The following GPR101 variants were observed in gnomAD, a reference collection of about 807,000 sequenced individuals.
GPR101 encodes the protein G protein-coupled receptor 101.
A neutral mutation model predicts 16.4 loss-of-function variants in GPR101; 8 were observed. The ratio of observed to expected loss-of-function variants is 0.49; its 90% confidence interval spans 0.29 to 0.88. The LOEUF (loss-of-function observed/expected upper bound fraction) is 0.88. GPR101 is among the 40% of genes least tolerant of loss of function. GPR101 has a pLI of 0.09. For synonymous variants in GPR101, 155 were observed against 168.7 expected, an observed-to-expected ratio of 0.92 and a Z score of 0.63; for missense variants, 375 against 411.7, an observed-to-expected ratio of 0.91 and a Z score of 0.77.
rs1310717607 is a variant in GPR101, at chrX:137,030,983, C to A, written c.692G>T (p.Arg231Ile). 1.2e-5 allele frequency: 15 copies of A among 1,212,141 alleles called. No individual in the cohort carries two copies. Among genetic ancestry groups the A allele is most frequent in the Non-Finnish European group, 1.7e-5 (15 of 895,490 alleles). Residue 231 changes from arginine (R) to isoleucine (I), a missense_variant, in exon 2 of 2, where the codon AGA (arginine) becomes ATA (isoleucine). Coordinates refer to ENST00000651716, the MANE Select transcript of GPR101 (RefSeq NM_054021.2). ...RQHALLYNVK[R>I]HSLEVRVKDC... ...CTTGACTCGCACTTCCAAGCTGTGTCTCTTGACATTGTACAGCAGAGCATG... is the reference window on the plus strand; with the variant it reads ...CTTGACTCGCACTTCCAAGCTGTGTATCTTGACATTGTACAGCAGAGCATG...
chrX:137,031,764 A>G lies in GPR101; in HGVS notation c.-90T>C. 1 of 744,359 alleles carries G rather than the reference A, an allele frequency of 1.3e-6. No individual in the cohort carries two copies. Among genetic ancestry groups the G allele is most frequent in the Non-Finnish European group, 1.9e-6 (1 of 525,012 alleles). 61.3% of individuals were successfully genotyped at this position (744,359 alleles called of 1,213,427 possible). On this transcript the variant is annotated splice_region_variant and 5_prime_UTR_variant, in exon 2 of 2. Transcript: ENST00000651716. The stretch of plus-strand genomic sequence containing the variant: ...GGTGCACAGACCGCACTCAGTGCCT[A>G]TGCTGGTGACAAAAGAAACACGCAG...
At position 137,025,135 on chromosome X, in the gene GPR101, G is replaced by A. The variant is rs1372632160; in HGVS notation, c.*5013C>T. Among the ~76,000 whole-genome samples, 1 of 111,968 alleles carries A rather than the reference G, an allele frequency of 8.9e-6. No individual in the cohort carries two copies. Among genetic ancestry groups the A allele is most frequent in the Non-Finnish European group, 1.9e-5 (1 of 53,251 alleles). On this transcript the variant is annotated 3_prime_UTR_variant, in exon 2 of 2. Coordinates refer to ENST00000651716, the MANE Select transcript of GPR101 (RefSeq NM_054021.2). Reference sequence around the variant, plus strand: ...ATATTAGGGATTTAAGGAATGAAAGGCAACACTTCCTGCAACCCCACCTTG... The same window carrying A: ...ATATTAGGGATTTAAGGAATGAAAGACAACACTTCCTGCAACCCCACCTTG...
rs1367350282 is a variant in GPR101, at chrX:137,030,931, C to T, written c.744G>A (p.Glu248=). Reference sequence around the variant, plus strand: ...GGAACTCCTCCTTCTTCTCTGCTCCCTCTTCATCCTCATTCTCCACACAGT... The same window carrying T: ...GGAACTCCTCCTTCTTCTCTGCTCCTTCTTCATCCTCATTCTCCACACAGT... ...VKDCVENEDE[E]GAEKKEEFQD... is the part of the protein sequence containing the mutation. Residue 248 remains glutamate (E), a synonymous_variant, in exon 2 of 2, where the codon GAG becomes GAA. Coordinates refer to ENST00000651716, the MANE Select transcript of GPR101 (RefSeq NM_054021.2). The T allele has an allele frequency of 8.3e-7, 1 of 1,212,065 alleles. No homozygotes were observed. Among genetic ancestry groups the T allele is most frequent in the Admixed American group, 2.2e-5 (1 of 46,094 alleles).
intron 1 of GPR101, among the ~76,000 whole-genome samples, chrX:137,032,255 C>T (rs190382378): frequency 5.4e-5 from 6 of 111,129 alleles, no homozygotes; most frequent in African/African-American, 2.0e-4. Context: ...CTCGATAGCA[C>T]GTGCACGCTG....
chrX:137,030,805 G>T lies in GPR101; in HGVS notation c.870C>A (p.Ser290Arg). The change falls in exon 2 of 2, where the codon AGC (serine) becomes AGA (arginine). Residue 290 changes from serine to arginine, a missense_variant. Transcript: ENST00000651716. ...KDGSLKAKEG[S>R]TGTSESSVEA... The stretch of plus-strand genomic sequence containing the variant: ...CTACACTACTCTCACTGGTCCCCGT[G>T]CTTCCTTCCTTGGCCTTCAGGCTGC... 9 of 1,211,466 alleles carry T rather than the reference G, an allele frequency of 7.4e-6. No homozygotes were observed. The highest frequency in any genetic ancestry group is 1.0e-5 in the Non-Finnish European group (9 of 895,473).
Position 137,031,117 on chromosome X carries a change from C to T in GPR101, c.558G>A (p.Trp186Ter). ...GAATAGTGTAGCTGGGGCTGGCCCC[C>T]CAGATCATGGAGCAGAGAGCATTGC... ...DERNALCSMI[W>*]GASPSYTILS... Residue 186 changes from tryptophan (W) to a stop codon, truncating the protein, a stop_gained, in exon 2 of 2, where the codon TGG becomes TGA. Transcript: ENST00000651716. LOFTEE classifies it high-confidence loss of function. 8.3e-7 allele frequency: 1 copy of T among 1,211,937 alleles called. No individual in the cohort carries two copies. The highest frequency in any genetic ancestry group is 1.8e-5 in the South Asian group (1 of 56,964).
Position 137,031,009 on chromosome X carries a change from C to A in GPR101, c.666G>T (p.Gln222His), listed in dbSNP as rs780378576. The A allele has an allele frequency of 1.7e-6, 2 of 1,210,857 alleles. No homozygotes were observed. The highest frequency in any genetic ancestry group is 2.2e-6 in the Non-Finnish European group (2 of 895,355). ...YSVVFCAARR[Q>H]HALLYNVKRH... ...TCTTGACATTGTACAGCAGAGCATGCTGCCTCCGGGCTGCACAGAACACCA... is the reference window on the plus strand; with the variant it reads ...TCTTGACATTGTACAGCAGAGCATGATGCCTCCGGGCTGCACAGAACACCA... Residue 222 changes from glutamine to histidine, a missense_variant, in exon 2 of 2, where the codon CAG becomes CAT. Transcript: ENST00000651716.
At chrX:137,033,335 T>C (rs1329134431) in intron 1 of GPR101, among the ~76,000 whole-genome samples, 1 of 106,767 alleles carries the variant, frequency 9.4e-6, no homozygotes, top group Admixed American at 1.0e-4. Context: ...CGAGAGAGAC[T>C]GAGAGGCAGA....
In GPR101 at chrX:137,030,337, C is replaced by T; in HGVS notation, c.1338G>A (p.Gln446=). 2 of 1,209,824 alleles carry T rather than the reference C, an allele frequency of 1.7e-6. No homozygotes were observed. Among genetic ancestry groups the T allele is most frequent in the Non-Finnish European group, 2.2e-6 (2 of 894,647 alleles). Residue 446 remains glutamine, a synonymous_variant, in exon 2 of 2, where the codon CAG becomes CAA. Transcript: ENST00000651716. ...ITIIIWLFFL[Q]CCIHPYVYGY... ...CATAGACATAGGGGTGGATGCAGCA[C>T]TGCAGGAAGAAAAGCCAGATGATTA...
rs747674797 is a variant in GPR101, at chrX:137,030,741, C to G, written c.934G>C (p.Val312Leu). The change falls in exon 2 of 2, where the codon GTG (valine) becomes CTG (leucine). Residue 312 changes from valine to leucine, a missense_variant. Physicochemically the swap from Val to Leu is conservative, Grantham distance 32. Coordinates refer to ENST00000651716, the MANE Select transcript of GPR101 (RefSeq NM_054021.2). ...CCCTCCATGCTGCCGTCGCTGGCCA[C>G]CGTGCTGCTCTCTCTGACCTCCTCG... is the stretch of plus-strand genomic sequence containing the variant. ...GSEEVRESSTVASDGSMEGKE... is the reference protein window; with the variant it reads ...GSEEVRESSTLASDGSMEGKE... 1.7e-6 allele frequency: 2 copies of G among 1,209,069 alleles called. No homozygotes were observed. The highest frequency in any genetic ancestry group is 5.9e-5 in the East Asian group (2 of 33,733).
chrX:137,024,043 C>A lies in GPR101; in HGVS notation c.*6105G>T, dbSNP rs1367384583. ...CACTTAATAATACTTAGTTAAATCA[C>A]AAACATCAATTTCTCCGCATTTCCC... is the stretch of plus-strand genomic sequence containing the variant. On this transcript the variant is annotated 3_prime_UTR_variant, in exon 2 of 2. Transcript: ENST00000651716. Among the ~76,000 whole-genome samples the A allele has an allele frequency of 8.9e-6, 1 of 112,004 alleles. No individual in the cohort carries two copies. The highest frequency in any genetic ancestry group is 1.9e-5 in the Non-Finnish European group (1 of 53,204).
rs1927167188 is a variant in GPR101, at chrX:137,026,329, G to A, written c.*3819C>T. 8.9e-6 allele frequency among the ~76,000 whole-genome samples: 1 copy of A among 112,046 alleles called. No individual in the cohort carries two copies. The highest frequency in any genetic ancestry group is 1.9e-5 in the Non-Finnish European group (1 of 53,207). On this transcript the variant is annotated 3_prime_UTR_variant, in exon 2 of 2. Transcript: ENST00000651716. ...ATACAGTCCAGTAGTTTAAATTGTT[G>A]CTCATTGTTTTATCCCAACAACCCA...
rs755707246 is a variant in GPR101, at chrX:137,028,078, A to G, written c.*2070T>C. 1.8e-5 allele frequency among the ~76,000 whole-genome samples: 2 copies of G among 112,602 alleles called. No homozygotes were observed. Among genetic ancestry groups the G allele is most frequent in the African/African-American group, 6.4e-5 (2 of 31,042 alleles). ...GGAAAGGTCAGTTCAAGAGTTTGGC[A>G]ATAAATTGGTAGAACAAATTTATGA... On this transcript the variant is annotated 3_prime_UTR_variant, in exon 2 of 2. Transcript: ENST00000651716.
At chrX:137,033,567 A>G (rs2082419809) in intron 1 of GPR101, among the ~76,000 whole-genome samples, 2 of 110,388 alleles carry the variant, frequency 1.8e-5, no homozygotes. Context: ...GGATGAGGAA[A>G]AAACGAGAGA....
In GPR101 at chrX:137,027,382, A is replaced by C. The variant is rs1211537306; in HGVS notation, c.*2766T>G. ...AAACATTCAGGGAAAGCTATTGCAC[A>C]TGAGGATCTGTGAGGCTAATGATGA... On this transcript the variant is annotated 3_prime_UTR_variant, in exon 2 of 2. Coordinates refer to ENST00000651716, the MANE Select transcript of GPR101 (RefSeq NM_054021.2). Among the ~76,000 whole-genome samples the C allele has an allele frequency of 9.2e-6, 1 of 108,299 alleles. No individual in the cohort carries two copies. The highest frequency in any genetic ancestry group is 4.1e-4 in the South Asian group (1 of 2,435). The allele number at this position is 108,299 out of a possible 115,157, so 94.0% of individuals were successfully genotyped here. A position where few individuals can be genotyped will look rare whatever the true frequency, so the allele number is the denominator to read the frequency against.
At position 137,025,275 on chromosome X, in the gene GPR101, G is replaced by A. The variant is rs752838832; in HGVS notation, c.*4873C>T. Reference sequence around the variant, plus strand: ...GTAGGTCACACATAGAATTTGGCATGCATTTTATTAACTAACTTTACAAGT... The same window carrying A: ...GTAGGTCACACATAGAATTTGGCATACATTTTATTAACTAACTTTACAAGT... On this transcript the variant is annotated 3_prime_UTR_variant, in exon 2 of 2. Coordinates refer to ENST00000651716, the MANE Select transcript of GPR101 (RefSeq NM_054021.2). Among the ~76,000 whole-genome samples the A allele has an allele frequency of 3.6e-5, 4 of 112,364 alleles. No homozygotes were observed. The highest frequency in any genetic ancestry group is 5.6e-5 in the Non-Finnish European group (3 of 53,347).
rs752213087 is a variant in GPR101, at chrX:137,028,068, A to G, written c.*2080T>C. Among the ~76,000 whole-genome samples, 14 of 112,529 alleles carry G rather than the reference A, an allele frequency of 1.2e-4. No individual in the cohort carries two copies. The highest frequency in any genetic ancestry group is 7.5e-4 in the Admixed American group (8 of 10,643). Reference sequence around the variant, plus strand: ...TATCCTTTAAGGAAAGGTCAGTTCAAGAGTTTGGCAATAAATTGGTAGAAC... The same window carrying G: ...TATCCTTTAAGGAAAGGTCAGTTCAGGAGTTTGGCAATAAATTGGTAGAAC... On this transcript the variant is annotated 3_prime_UTR_variant, in exon 2 of 2. Coordinates refer to ENST00000651716, the MANE Select transcript of GPR101 (RefSeq NM_054021.2).
chrX:137,025,019 G>A lies in GPR101; in HGVS notation c.*5129C>T, dbSNP rs1927149921. 8.9e-6 allele frequency among the ~76,000 whole-genome samples: 1 copy of A among 111,852 alleles called. No individual in the cohort carries two copies. The highest frequency in any genetic ancestry group is 1.9e-5 in the Non-Finnish European group (1 of 53,218). On this transcript the variant is annotated 3_prime_UTR_variant, in exon 2 of 2. Coordinates refer to ENST00000651716, the MANE Select transcript of GPR101 (RefSeq NM_054021.2). ...CAGGCACACCAGTGCCAAGTGTGTT[G>A]TGGAAAACTGTCAGCAAGGACTTCA...
rs1927193971 is a variant in GPR101 at position 137,028,067 on chromosome X, A to C, written c.*2081T>G. 8.9e-6 allele frequency among the ~76,000 whole-genome samples: 1 copy of C among 112,514 alleles called. No individual in the cohort carries two copies. The highest frequency in any genetic ancestry group is 1.9e-5 in the Non-Finnish European group (1 of 53,302). On this transcript the variant is annotated 3_prime_UTR_variant, in exon 2 of 2. Coordinates refer to ENST00000651716, the MANE Select transcript of GPR101 (RefSeq NM_054021.2). ...ATATCCTTTAAGGAAAGGTCAGTTCAAGAGTTTGGCAATAAATTGGTAGAA... is the reference window on the plus strand; with the variant it reads ...ATATCCTTTAAGGAAAGGTCAGTTCCAGAGTTTGGCAATAAATTGGTAGAA...
Sources: gnomAD v4.1 joint callset for allele counts (sites outside exome capture counted in the v4.1 genomes callset) on GRCh38, gnomAD v4.1.1 for gene constraint, MANE v1.5 for transcripts, NCBI Gene and HGNC (gene_info 2026-07-23, HGNC 2026-07-21) for gene names.